The following PCDHGA3 variants were observed in gnomAD, a reference collection of about 807,000 sequenced individuals.
The protein encoded by PCDHGA3 is protocadherin gamma-A3.
Under a neutral mutation model 58.5 loss-of-function variants are expected in PCDHGA3, and 40 were observed. The ratio of observed to expected loss-of-function variants is 0.68; its 90% CI spans 0.53 to 0.89. The LOEUF is 0.89. PCDHGA3 is among the 40% of genes least tolerant of loss of function. PCDHGA3 has a pLI of 0.00. For missense variants in PCDHGA3, 1,223 were observed against 1,195.9 expected, an observed-to-expected ratio of 1.02 and a Z score of -0.33; for synonymous variants, 530 against 525.7, an observed-to-expected ratio of 1.01 and a Z score of -0.11.
intron 1 of PCDHGA3, among the ~76,000 whole-genome samples, chr5:141,481,820 C>T (rs2099545799): frequency 6.6e-6 from 1 of 150,726 alleles, no homozygotes; most frequent in Non-Finnish European, 1.5e-5. Context: ...GGCGTGGTGG[C>T]TGAGGCAGGA....
chr5:141,355,945 G>T (rs372381838), intron 1 of PCDHGA3: 3 of 1,613,848 alleles, frequency 1.9e-6, no homozygotes, highest in East Asian at 2.2e-5. Flanking sequence ...CGAGTACCAC[G>T]TAAGTGTTCG....
chr5:141,392,597 C>G (rs761805266), intron 1 of PCDHGA3: 11 of 501,346 alleles, frequency 2.2e-5, no homozygotes, highest in Non-Finnish European at 3.8e-5. Context: ...TGTTCACCTA[C>G]TGGAAGACAA....
chr5:141,431,584 G>A lies in PCDHGA3; in HGVS notation c.2425-63223G>A, dbSNP rs201462681. 7 of 1,614,074 alleles carry A rather than the reference G, an allele frequency of 4.3e-6. No homozygotes were observed. The African/African-American group carries it at 9.3e-5, about 22-fold the overall frequency. On this transcript the variant is annotated intron_variant, in intron 1 of 3. Coordinates refer to ENST00000253812, the MANE Select transcript of PCDHGA3 (RefSeq NM_018916.4). The surrounding 1 kb of genome is among the most constrained non-coding windows in gnomAD (Gnocchi z 4.8). ...CCGACCCTGACGAAGGAGTCAATGC[G>A]GAAGTGAGGTATTCCTTCCGGTATG... is the stretch of plus-strand genomic sequence containing the variant.
At chr5:141,352,076 C>A (rs772864846) in intron 1 of PCDHGA3, 2 of 1,604,976 alleles carry the variant, frequency 1.2e-6, no homozygotes, top group Non-Finnish European at 8.5e-7. Flanking sequence ...CCACGTGCTG[C>A]AGGCCAGCGA....
In PCDHGA3 at chr5:141,370,967, C is replaced by T. The variant is rs776738496; in HGVS notation, c.2424+24510C>T. On this transcript the variant is annotated intron_variant, in intron 1 of 3. Transcript: ENST00000253812. ...AGGAGAACCTGGATGGCAGTAGGTA[C>T]CCAGAGCTAGTACTGAAAGCACCCC... is the stretch of plus-strand genomic sequence containing the variant. 9.3e-6 allele frequency: 15 copies of T among 1,613,878 alleles called. 1 individual carries two copies. The South Asian group carries it at 1.3e-4, about 14-fold the overall frequency.
chr5:141,446,279 G>A (rs1326701686), intron 1 of PCDHGA3, among the ~76,000 whole-genome samples: 1 of 152,096 alleles, frequency 6.6e-6, no homozygotes, highest in African/African-American at 2.4e-5. Context: ...AAATACAATG[G>A]ATAAATGGGG....
In PCDHGA3 at chr5:141,405,631, C is replaced by T. The variant is rs150331884; in HGVS notation, c.2424+59174C>T. The T allele has an allele frequency of 4.9e-3, 2,596 of 530,826 alleles. 48 individuals carry two copies. The highest frequency in any genetic ancestry group is 0.045 in the African/African-American group (2,348 of 52,012). The allele number at this position is 530,826 out of a possible 1,614,324, so 32.9% of individuals were successfully genotyped here. ...CTGGGACTACAGGCACGTGCCACCA[C>T]GCCCGGCTAATTTTTTGTGTGTTTT... is the stretch of plus-strand genomic sequence containing the variant. On this transcript the variant is annotated intron_variant, in intron 1 of 3. Transcript: ENST00000253812.
At chr5:141,362,600 C>T (rs1561527590) in intron 1 of PCDHGA3, 3 of 1,577,722 alleles carry the variant, frequency 1.9e-6, no homozygotes, top group Non-Finnish European at 1.7e-6. Flanking sequence ...TTTATTGTTT[C>T]ACCTAATTTG....
At position 141,463,977 on chromosome 5, in the gene PCDHGA3, T is replaced by C. The variant is rs948698340; in HGVS notation, c.2425-30830T>C. On this transcript the variant is annotated intron_variant, in intron 1 of 3. Coordinates refer to ENST00000253812, the MANE Select transcript of PCDHGA3 (RefSeq NM_018916.4). ...TTTAAAATAGCTTCATAAAACTCCA[T>C]TGTAAAAACCAGGTGCAGTGGCTCA... Among the ~76,000 whole-genome samples the C allele has an allele frequency of 2.6e-5, 4 of 152,258 alleles. 1 individual carries two copies. The highest frequency in any genetic ancestry group is 4.4e-5 in the Non-Finnish European group (3 of 68,004).
At chr5:141,403,266 A>G in intron 1 of PCDHGA3, 11 of 1,613,858 alleles carry the variant, frequency 6.8e-6, no homozygotes, top group Non-Finnish European at 9.3e-6. Context: ...TGTCTGGTGA[A>G]CTTTAAAGTC....
intron 1 of PCDHGA3, chr5:141,382,959 G>T: frequency 6.2e-7 from 1 of 1,607,442 alleles, no homozygotes; most frequent in Non-Finnish European, 8.5e-7. Flanking sequence ...CCATCCTCCT[G>T]GGGACCCCCT....
intron 1 of PCDHGA3, chr5:141,372,390 G>GA: frequency 6.2e-7 from 1 of 1,614,044 alleles, no homozygotes; most frequent in Non-Finnish European, 8.5e-7. Context: ...AATCTTCGCA[G>GA]ATAGCTTGCA....
chr5:141,354,620 T>G (rs1401414330), intron 1 of PCDHGA3, among the ~76,000 whole-genome samples: 1 of 152,218 alleles, frequency 6.6e-6, no homozygotes. Flanking sequence ...CCCACTGTCT[T>G]TTCACTTATC....
chr5:141,473,308 A>G (rs1248143328), intron 1 of PCDHGA3, among the ~76,000 whole-genome samples: 1 of 152,234 alleles, frequency 6.6e-6, no homozygotes, highest in Non-Finnish European at 1.5e-5. Context: ...AGATTGCTAT[A>G]TTAATAAGCA....
chr5:141,433,204 C>T, intron 1 of PCDHGA3: 6 of 1,566,938 alleles, frequency 3.8e-6, no homozygotes, highest in Admixed American at 2.0e-5. Flanking sequence ...ATCAAATCTT[C>T]TTTCTTTTTT....
chr5:141,435,372 T>C (rs2097759153), intron 1 of PCDHGA3, among the ~76,000 whole-genome samples: 1 of 152,216 alleles, frequency 6.6e-6, no homozygotes, highest in African/African-American at 2.4e-5. Context: ...CACTTAAATA[T>C]ACAATATACC....
chr5:141,415,606 G>A lies in PCDHGA3; in HGVS notation c.2424+69149G>A. On this transcript the variant is annotated intron_variant, in intron 1 of 3. Transcript: ENST00000253812. ...GTTTCCTATAGAGGATACCCCATTG[G>A]TTCCAGTGAGTTTTATTTTCATTTT... The A allele has an allele frequency of 1.2e-6, 2 of 1,612,910 alleles. 1 individual carries two copies. Among genetic ancestry groups the A allele is most frequent in the East Asian group, 4.5e-5 (2 of 44,866 alleles).
At chr5:141,397,843 C>A (rs1200465582) in intron 1 of PCDHGA3, 7 of 522,606 alleles carry the variant, frequency 1.3e-5, no homozygotes, top group Non-Finnish European at 2.0e-5. Context: ...CTTGAAGCCG[C>A]AGAGGCTGTA....
chr5:141,356,964 G>A, intron 1 of PCDHGA3: 2 of 1,614,246 alleles, frequency 1.2e-6, no homozygotes, highest in Non-Finnish European at 1.7e-6. Context: ...GCTACCTGGT[G>A]ACCAAAGTGG....
Sources: allele counts gnomAD v4.1 joint callset (sites outside exome capture counted in the v4.1 genomes callset), GRCh38; gene constraint gnomAD v4.1.1; non-coding constraint Gnocchi (gnomAD v3.1); transcripts MANE v1.5; gene names NCBI Gene and HGNC (gene_info 2026-07-23, HGNC 2026-07-21).